FAIM2: variants seen among roughly 807,000 people sequenced by gnomAD.
FAIM2 encodes the protein protein lifeguard 2.
Under a neutral mutation model 47.4 loss-of-function variants are expected in FAIM2, and 27 were observed. The observed-to-expected ratio is 0.57, with a 90% CI of 0.42 to 0.78. FAIM2 has a LOEUF of 0.78. Ranked by LOEUF, FAIM2 falls within the 30% of genes least tolerant of loss-of-function variation. FAIM2 has a pLI of 0.00. For synonymous variants in FAIM2, 156 were observed against 159.3 expected, an observed-to-expected ratio of 0.98 and a Z score of 0.16; for missense variants, 311 against 389.4, an observed-to-expected ratio of 0.80 and a Z score of 1.69.
At chr12:49,871,581 A>G (rs547955898) in intron 11 of FAIM2, among the ~76,000 whole-genome samples, 2 of 152,310 alleles carry the variant, frequency 1.3e-5, no homozygotes, top group South Asian at 4.1e-4. Context: ...TTTTCTGGAG[A>G]AAGAGGCCAA....
intron 5 of FAIM2, among the ~76,000 whole-genome samples, chr12:49,896,057 G>C (rs1946934848): frequency 6.6e-6 from 1 of 152,162 alleles, no homozygotes; most frequent in South Asian, 2.1e-4. Context: ...CCCATCCTTT[G>C]GGGGGCGCCC....
chr12:49,899,480 C>G (rs533428368), intron 2 of FAIM2, among the ~76,000 whole-genome samples: 1 of 152,206 alleles, frequency 6.6e-6, no homozygotes, highest in East Asian at 1.9e-4. Flanking sequence ...CCTCCAGCCC[C>G]GCTATACATT....
chr12:49,894,158 C>G (rs1946919578), intron 5 of FAIM2, among the ~76,000 whole-genome samples: 2 of 152,238 alleles, frequency 1.3e-5, no homozygotes, highest in African/African-American at 4.8e-5. Flanking sequence ...AACAAAAATA[C>G]TGGTACCAAC....
intron 1 of FAIM2, among the ~76,000 whole-genome samples, chr12:49,903,355 G>A (rs1276556207): frequency 2.6e-5 from 4 of 152,372 alleles, no homozygotes; most frequent in Non-Finnish European, 5.9e-5. Context: ...TGGGAAAGAT[G>A]AGCATAAAGT....
In FAIM2 at chr12:49,896,171, G is replaced by C. The variant is rs540560486; in HGVS notation, c.434+860C>G. ...GCCACCCAATAACTTTCCCTGCAGA[G>C]GCCTCCTCTCCCGCAGCCCCCGTAC... On this transcript the variant is annotated intron_variant, in intron 5 of 11. Coordinates refer to ENST00000320634, the MANE Select transcript of FAIM2 (RefSeq NM_012306.4). 5.9e-5 allele frequency among the ~76,000 whole-genome samples: 9 copies of C among 152,264 alleles called. No individual in the cohort carries two copies. In the South Asian group the frequency reaches 1.9e-3, roughly 32 times the overall value.
In FAIM2 at chr12:49,870,524, A is replaced by G; in HGVS notation, c.931T>C (p.Phe311Leu). Residue 311 changes from phenylalanine (F) to leucine (L), a missense_variant, in exon 12 of 12, where the codon TTT becomes CTT. Coordinates refer to ENST00000320634, the MANE Select transcript of FAIM2 (RefSeq NM_012306.4). ...GCTCCTCATTCTCGGTTAGTGCCAA[A>G]AAGCTGCAGGAAGAAGGTGAAGATA... ...IYIFTFFLQL[F>L]GTNRE 1.9e-6 allele frequency: 3 copies of G among 1,613,974 alleles called. No individual in the cohort carries two copies. Among genetic ancestry groups the G allele is most frequent in the Non-Finnish European group, 2.5e-6 (3 of 1,179,928 alleles).
At chr12:49,897,406 C>T in intron 4 of FAIM2, 113 bp downstream of exon 4, 3 of 1,004,918 alleles carry the variant, frequency 3.0e-6, no homozygotes, top group Non-Finnish European at 3.1e-6. Flanking sequence ...GGCCCACTGC[C>T]CCACAGGCAT....
In FAIM2 at chr12:49,878,775, TGA is replaced by T. The variant is rs199925525; in HGVS notation, c.802-8124_802-8123del. On this transcript the variant is annotated intron_variant, in intron 11 of 11. Coordinates refer to ENST00000320634, the MANE Select transcript of FAIM2 (RefSeq NM_012306.4). ...ATGTGTATATATTTATTTGTGTGCA[TGA>T]GTGTATGTGTGCCTGTGTGTATATG... Among the ~76,000 whole-genome samples, 124 of 115,982 alleles carry T rather than the reference TGA, an allele frequency of 1.1e-3. 4 individuals are homozygous for T. The highest frequency in any genetic ancestry group is 4.6e-3 in the African/African-American group (120 of 25,866). The allele number at this position is 115,982 out of a possible 152,430, so 76.1% of individuals were successfully genotyped here. A position where few individuals can be genotyped will look rare whatever the true frequency, so the allele number is the denominator to read the frequency against.
chr12:49,872,927 A>C (rs1268309810), intron 11 of FAIM2, among the ~76,000 whole-genome samples: 2 of 152,194 alleles, frequency 1.3e-5, no homozygotes, highest in Non-Finnish European at 2.9e-5. Flanking sequence ...AATGCTTGCT[A>C]TTATATTAAT....
At chr12:49,886,888 A>G (rs1319859501) in intron 11 of FAIM2, among the ~76,000 whole-genome samples, 3 of 152,174 alleles carry the variant, frequency 2.0e-5, no homozygotes, top group Non-Finnish European at 4.4e-5. Context: ...ATTAGCTGTT[A>G]CTGTTATCCT....
rs766414434 is a variant in FAIM2, at chr12:49,889,577, C to T, written c.564-9G>A. On this transcript the variant is annotated splice_polypyrimidine_tract_variant and intron_variant, in intron 8 of 11. Coordinates refer to ENST00000320634, the MANE Select transcript of FAIM2 (RefSeq NM_012306.4). ...AGGTGGTGTTGTAGTAGCTGAGGAC[C>T]GTCAGGCCGAGGGGTCAGCTCTCAG... The T allele has an allele frequency of 2.5e-6, 4 of 1,613,304 alleles. No homozygotes were observed. Among genetic ancestry groups the T allele is most frequent in the Non-Finnish European group, 3.4e-6 (4 of 1,179,372 alleles).
At chr12:49,901,393 C>T in intron 1 of FAIM2, 68 bp from the exon 2 acceptor site, 3 of 1,243,916 alleles carry the variant, frequency 2.4e-6, no homozygotes, top group Non-Finnish European at 3.3e-6. Flanking sequence ...CTCCTCCTCA[C>T]CAACTCTTCA....
rs527786913 is a variant in FAIM2, at chr12:49,871,415, C to T, written c.802-762G>A. Among the ~76,000 whole-genome samples, 16 of 152,224 alleles carry T rather than the reference C, an allele frequency of 1.1e-4. No homozygotes were observed. The South Asian group carries it at 3.1e-3, about 30-fold the overall frequency. ...TGGCCTAATGGACTAGGAACAGATT[C>T]CCTCTGAGACAGCGCTGTGTCACCC... On this transcript the variant is annotated intron_variant, in intron 11 of 11. Coordinates refer to ENST00000320634, the MANE Select transcript of FAIM2 (RefSeq NM_012306.4).
At chr12:49,891,317 C>G (rs1946898789) in intron 5 of FAIM2, among the ~76,000 whole-genome samples, 1 of 152,174 alleles carries the variant, frequency 6.6e-6, no homozygotes, top group East Asian at 1.9e-4. Context: ...TGGGACGAGC[C>G]TGCTTCTAGA....
intron 11 of FAIM2, among the ~76,000 whole-genome samples, chr12:49,883,944 G>C (rs1379660192): frequency 6.6e-6 from 1 of 152,180 alleles, no homozygotes; most frequent in Non-Finnish European, 1.5e-5. Context: ...GGGAATGGTC[G>C]GGCGCTATGG....
chr12:49,879,992 A>C (rs1316430816), intron 11 of FAIM2, among the ~76,000 whole-genome samples: 1 of 145,942 alleles, frequency 6.9e-6, no homozygotes, highest in African/African-American at 2.6e-5. Context: ...GTGTATGTGC[A>C]TGTGTGCATA....
intron 5 of FAIM2, among the ~76,000 whole-genome samples, chr12:49,891,324 T>C (rs1330623076): frequency 1.3e-5 from 2 of 152,174 alleles, no homozygotes; most frequent in Non-Finnish European, 2.9e-5. Flanking sequence ...AGCCTGCTTC[T>C]AGAAACAGGG....
At chr12:49,879,675 CATGT>C (rs1273569626) in intron 11 of FAIM2, among the ~76,000 whole-genome samples, 1 of 131,452 alleles carries the variant, frequency 7.6e-6, no homozygotes, top group African/African-American at 2.9e-5. Context: ...TGAGTGTGTG[CATGT>C]GTGTATCTGT....
rs529744862 is a variant in FAIM2 at position 49,884,503 on chromosome 12, G to A, written c.801+2883C>T. Among the ~76,000 whole-genome samples the A allele has an allele frequency of 5.3e-5, 8 of 152,254 alleles. No individual in the cohort carries two copies. In the East Asian group the frequency reaches 1.5e-3, roughly 29 times the overall value. ...CTCCATTAGAGAGGGCAATACTGATGACAGAGAGAGAGAGAAAAATTCCTG... is the reference window on the plus strand; with the variant it reads ...CTCCATTAGAGAGGGCAATACTGATAACAGAGAGAGAGAGAAAAATTCCTG... On this transcript the variant is annotated intron_variant, in intron 11 of 11. Transcript: ENST00000320634.
Sources: allele counts gnomAD v4.1 joint callset (sites outside exome capture counted in the v4.1 genomes callset), GRCh38; gene constraint gnomAD v4.1.1; transcripts MANE v1.5; gene names NCBI Gene and HGNC (gene_info 2026-07-23, HGNC 2026-07-21).